ZNF579: variants seen among roughly 807,000 people sequenced by gnomAD.
ZNF579 encodes the protein zinc finger protein 579.
Under a neutral mutation model 5.7 loss-of-function variants are expected in ZNF579, and 3 were observed. The ratio of observed to expected loss-of-function variants is 0.53; its 90% confidence interval spans 0.24 to 1.36. The LOEUF is 1.36. ZNF579 is among the 40% of genes most tolerant of loss of function. The probability of loss-of-function intolerance (pLI) is 0.16; values close to 1 mark genes in which losing one functional copy is unlikely to be tolerated. For missense variants in ZNF579, 679 were observed against 877.6 expected, an observed-to-expected ratio of 0.77 and a Z score of 2.86; for synonymous variants, 454 against 409.0, an observed-to-expected ratio of 1.11 and a Z score of -1.33.
chr19:55,577,958 G>A lies in ZNF579; in HGVS notation c.1682C>T (p.Ala561Val), dbSNP rs1979438017. ...KAHLRGLGGL[A>V]S ...AGGGCAGGGCGGCGAAGGTCAGGAG[G>A]CCAGGCCCCCCAGCCCGCGCAGGTG... Residue 561 changes from alanine (A) to valine (V), a missense_variant, in exon 2 of 2, where the codon GCC becomes GTC. Transcript: ENST00000325421. 6.3e-7 allele frequency: 1 copy of A among 1,590,558 alleles called. No homozygotes were observed. The highest frequency in any genetic ancestry group is 8.6e-7 in the Non-Finnish European group (1 of 1,168,896).
rs1385169084 is a variant in ZNF579, at chr19:55,578,101, A to G, written c.1539T>C (p.Ser513=). The G allele has an allele frequency of 1.3e-6, 2 of 1,564,510 alleles. No homozygotes were observed. The highest frequency in any genetic ancestry group is 8.7e-7 in the Non-Finnish European group (1 of 1,154,096). Residue 513 remains serine (S), a synonymous_variant, in exon 2 of 2, where the codon TCT becomes TCC. Coordinates refer to ENST00000325421, the MANE Select transcript of ZNF579 (RefSeq NM_152600.3). ...PLANIKEEPP[S]PGTPPQSPPA... is the part of the protein sequence containing the mutation. ...GCGGGGACTGGGGTGGGGTCCCCGG[A>G]GAGGGCGGCTCTTCCTTAATGTTTG...
In ZNF579 at chr19:55,579,546, G is replaced by A. The variant is rs1232357059; in HGVS notation, c.94C>T (p.Arg32Cys). The A allele has an allele frequency of 6.8e-6, 10 of 1,467,576 alleles. No homozygotes were observed. The highest frequency in any genetic ancestry group is 5.9e-5 in the East Asian group (2 of 34,014). The allele number at this position is 1,467,576 out of a possible 1,614,324, so 90.9% of individuals were successfully genotyped here. ...RGRGRGRGRG[R>C]GRGGAGAPRA... ...GGGGCTCCAGCGCCCCCCCTGCCACGGCCACGGCCCCGACCACGGCCTCGG... is the reference window on the plus strand; with the variant it reads ...GGGGCTCCAGCGCCCCCCCTGCCACAGCCACGGCCCCGACCACGGCCTCGG... Residue 32 changes from arginine to cysteine, a missense_variant, in exon 2 of 2, where the codon CGT becomes TGT. Arg to Cys is a radical substitution (Grantham distance 180). Coordinates refer to ENST00000325421, the MANE Select transcript of ZNF579 (RefSeq NM_152600.3).
rs1979642418 is a variant in ZNF579 at position 55,580,815 on chromosome 19, C to A, written c.-23G>T. 6.6e-6 allele frequency: 1 copy of A among 151,000 alleles called. No homozygotes were observed. Among genetic ancestry groups the A allele is most frequent in the Non-Finnish European group, 1.5e-5 (1 of 67,908 alleles). 9.4% of individuals were successfully genotyped at this position (151,000 alleles called of 1,614,324 possible). On this transcript the variant is annotated 5_prime_UTR_variant, in exon 1 of 2. Coordinates refer to ENST00000325421, the MANE Select transcript of ZNF579 (RefSeq NM_152600.3). ...CTTACCTCGCCTCCTTGGCTCCTTTCTTCCTTCCCCACGGCCGGCCAAACG... is the reference window on the plus strand; with the variant it reads ...CTTACCTCGCCTCCTTGGCTCCTTTATTCCTTCCCCACGGCCGGCCAAACG...
chr19:55,577,992 T>G lies in ZNF579; in HGVS notation c.1648A>C (p.Ser550Arg), dbSNP rs2088149967. ...AFEMEEEEVD[S>R]KAHLRGLGGL... ...CCCAGCCCGCGCAGGTGAGCCTTGCTGTCTACCTCTTCCTCCTCCATCTCG... is the reference window on the plus strand; with the variant it reads ...CCCAGCCCGCGCAGGTGAGCCTTGCGGTCTACCTCTTCCTCCTCCATCTCG... The change falls in exon 2 of 2, where the codon AGC becomes CGC. Residue 550 changes from serine (S) to arginine (R), a missense_variant. Around this residue, in one of 6 missense-constraint regions of ZNF579, gnomAD observed 116 missense variants for 121.9 expected, o/e 0.95. Transcript: ENST00000325421. The G allele has an allele frequency of 6.2e-7, 1 of 1,600,002 alleles. No individual in the cohort carries two copies. The highest frequency in any genetic ancestry group is 1.7e-5 in the Admixed American group (1 of 58,206).
chr19:55,578,464 A>G lies in ZNF579; in HGVS notation c.1176T>C (p.Gly392=). 1 of 1,455,994 alleles carries G rather than the reference A, an allele frequency of 6.9e-7. No individual in the cohort carries two copies. Among genetic ancestry groups the G allele is most frequent in the Non-Finnish European group, 9.0e-7 (1 of 1,114,604 alleles). 90.2% of individuals were successfully genotyped at this position (1,455,994 alleles called of 1,614,324 possible). ...GCCGCAGGTGCGCCCGGCGCCTGAA[A>G]CCTTTGCCGCACTCTGGGCACCAGA... ...PRFWCPECGK[G]FRRRAHLRQH... is the part of the protein sequence containing the mutation. The change falls in exon 2 of 2, where the codon GGT becomes GGC. Residue 392 remains glycine, a synonymous_variant. Coordinates refer to ENST00000325421, the MANE Select transcript of ZNF579 (RefSeq NM_152600.3).
chr19:55,577,888 T>G lies in ZNF579; in HGVS notation c.*63A>C. The G allele has an allele frequency of 6.5e-7, 1 of 1,539,398 alleles. No individual in the cohort carries two copies. The highest frequency in any genetic ancestry group is 2.4e-5 in the East Asian group (1 of 41,008). On this transcript the variant is annotated 3_prime_UTR_variant, in exon 2 of 2. Transcript: ENST00000325421. ...GACAGAGGAGGTGGCTCCTTCAACT[T>G]CCCTCCTCCATTCTGCAAACCGGGG...
chr19:55,578,205 G>T lies in ZNF579; in HGVS notation c.1435C>A (p.Gln479Lys). Residue 479 changes from glutamine to lysine, a missense_variant, in exon 2 of 2, where the codon CAG becomes AAG. By Grantham distance (53) the Gln-to-Lys change is moderately conservative. This residue lies in a region of ZNF579 where 116 missense variants were observed against 121.9 expected (regional missense o/e 0.95). Transcript: ENST00000325421. Reference sequence around the variant, plus strand: ...GGCGGTGGCGGCGACGTCGGGGCCTGGGCCTGCAGTGCCTGCAGCGCGGCG... The same window carrying T: ...GGCGGTGGCGGCGACGTCGGGGCCTTGGCCTGCAGTGCCTGCAGCGCGGCG... ...RAAALQALQAQAPTSPPPPPP... is the reference protein window; with the variant it reads ...RAAALQALQAKAPTSPPPPPP... The T allele has an allele frequency of 6.8e-7, 1 of 1,472,958 alleles. No individual in the cohort carries two copies. Among genetic ancestry groups the T allele is most frequent in the Non-Finnish European group, 9.0e-7 (1 of 1,116,502 alleles). 91.2% of individuals were successfully genotyped at this position (1,472,958 alleles called of 1,614,324 possible). A position where few individuals can be genotyped will look rare whatever the true frequency, so the allele number is the denominator to read the frequency against.
Position 55,577,886 on chromosome 19 carries a change from C to T in ZNF579, c.*65G>A. 6.5e-7 allele frequency: 1 copy of T among 1,538,002 alleles called. No homozygotes were observed. The highest frequency in any genetic ancestry group is 8.7e-7 in the Non-Finnish European group (1 of 1,145,068). On this transcript the variant is annotated 3_prime_UTR_variant, in exon 2 of 2. Transcript: ENST00000325421. ...TAGACAGAGGAGGTGGCTCCTTCAACTTCCCTCCTCCATTCTGCAAACCGG... is the reference window on the plus strand; with the variant it reads ...TAGACAGAGGAGGTGGCTCCTTCAATTTCCCTCCTCCATTCTGCAAACCGG...
At chr19:55,579,769 G>T in intron 1 of ZNF579, 128 bp from the exon 2 acceptor site, 1 of 1,050,966 alleles carries the variant, frequency 9.5e-7, no homozygotes, top group Non-Finnish European at 1.3e-6. Flanking sequence ...TTAGCCAGGA[G>T]AGAGATATGA....
At chr19:55,580,474 G>T (rs1259044076) in intron 1 of ZNF579, among the ~76,000 whole-genome samples, 2 of 151,568 alleles carry the variant, frequency 1.3e-5, no homozygotes, top group African/African-American at 4.9e-5. Context: ...CTGGTATGGA[G>T]GAGGTGTGGA....
chr19:55,578,140 G>A lies in ZNF579; in HGVS notation c.1500C>T (p.Leu500=). Reference sequence around the variant, plus strand: ...CCTTAATGTTTGCGAGGGGCAGCGGGAGCCCTTCTTCCTCCTGCTCGGCCT... The same window carrying A: ...CCTTAATGTTTGCGAGGGGCAGCGGAAGCCCTTCTTCCTCCTGCTCGGCCT... ...PLKAEQEEEG[L]PLPLANIKEE... Residue 500 remains leucine, a synonymous_variant, in exon 2 of 2, where the codon CTC becomes CTT. Coordinates refer to ENST00000325421, the MANE Select transcript of ZNF579 (RefSeq NM_152600.3). The A allele has an allele frequency of 6.5e-7, 1 of 1,537,900 alleles. No homozygotes were observed.
chr19:55,577,791 G>A lies in ZNF579; in HGVS notation c.*160C>T, dbSNP rs780222546. On this transcript the variant is annotated 3_prime_UTR_variant, in exon 2 of 2. Coordinates refer to ENST00000325421, the MANE Select transcript of ZNF579 (RefSeq NM_152600.3). Reference sequence around the variant, plus strand: ...AGCATCAGGGGTTCTGGGGGCGGGCGATGGGGGAGGAAGGGGCAGTCCAGG... The same window carrying A: ...AGCATCAGGGGTTCTGGGGGCGGGCAATGGGGGAGGAAGGGGCAGTCCAGG... 1.6e-5 allele frequency: 21 copies of A among 1,335,918 alleles called. No individual in the cohort carries two copies. The highest frequency in any genetic ancestry group is 1.0e-4 in the East Asian group (4 of 39,474). 82.8% of individuals were successfully genotyped at this position (1,335,918 alleles called of 1,614,324 possible).
Position 55,579,254 on chromosome 19 carries a change from T to A in ZNF579, c.386A>T (p.Glu129Val). ...CTTGGCCACCCTCTCGATGGCCAGC[T>A]CGACCTCGCCGCCCGCGTGCTCCTG... ...LAQEHAGGEV[E>V]LAIERVAKET... Residue 129 changes from glutamate to valine, a missense_variant, in exon 2 of 2, where the codon GAG (glutamate) becomes GTG (valine). Physicochemically the swap from Glu to Val is moderately radical, Grantham distance 121. This residue lies in a region of ZNF579 where 209 missense variants were observed against 223.4 expected (regional missense o/e 0.94). Coordinates refer to ENST00000325421, the MANE Select transcript of ZNF579 (RefSeq NM_152600.3). 6.6e-7 allele frequency: 1 copy of A among 1,519,214 alleles called. No homozygotes were observed. The allele number at this position is 1,519,214 out of a possible 1,614,324, so 94.1% of individuals were successfully genotyped here. A position where few individuals can be genotyped will look rare whatever the true frequency, so the allele number is the denominator to read the frequency against.
chr19:55,579,343 C>A lies in ZNF579; in HGVS notation c.297G>T (p.Pro99=). The part of the protein sequence containing the change: ...RHLRGHGPQP[P]LRCAACPRTF... ...TGCGGGGGCAGGCGGCGCAGCGCAG[C>A]GGGGGCTGGGGCCCGTGGCCGCGCA... is the stretch of plus-strand genomic sequence containing the variant. The change falls in exon 2 of 2, where the codon CCG becomes CCT. Residue 99 remains proline (P), a synonymous_variant. Coordinates refer to ENST00000325421, the MANE Select transcript of ZNF579 (RefSeq NM_152600.3). The A allele has an allele frequency of 1.4e-6, 2 of 1,387,994 alleles. No homozygotes were observed. Among genetic ancestry groups the A allele is most frequent in the Non-Finnish European group, 1.9e-6 (2 of 1,074,142 alleles). The allele number at this position is 1,387,994 out of a possible 1,614,324, so 86.0% of individuals were successfully genotyped here. A position where few individuals can be genotyped will look rare whatever the true frequency, so the allele number is the denominator to read the frequency against.
Position 55,578,142 on chromosome 19 carries a change from G to T in ZNF579, c.1498C>A (p.Leu500Ile). The T allele has an allele frequency of 6.5e-7, 1 of 1,535,028 alleles. No individual in the cohort carries two copies. The highest frequency in any genetic ancestry group is 8.8e-7 in the Non-Finnish European group (1 of 1,139,788). The change falls in exon 2 of 2, where the codon CTC becomes ATC. Residue 500 changes from leucine (L) to isoleucine (I), a missense_variant. This residue lies in a region of ZNF579 where 116 missense variants were observed against 121.9 expected (regional missense o/e 0.95). Coordinates refer to ENST00000325421, the MANE Select transcript of ZNF579 (RefSeq NM_152600.3). ...PLKAEQEEEGLPLPLANIKEE... is the reference protein window; with the variant it reads ...PLKAEQEEEGIPLPLANIKEE... ...TTAATGTTTGCGAGGGGCAGCGGGA[G>T]CCCTTCTTCCTCCTGCTCGGCCTTC... is the stretch of plus-strand genomic sequence containing the variant.
intron 1 of ZNF579, chr19:55,580,022 G>T (rs1979596555): frequency 5.0e-6 from 1 of 199,278 alleles, no homozygotes; most frequent in African/African-American, 2.3e-5. Context: ...GAGACACAGA[G>T]AAGAGGAAAC....
chr19:55,580,657 G>C (rs917624200), intron 1 of ZNF579, 138 bp downstream of exon 1: 1 of 152,308 alleles, frequency 6.6e-6, no homozygotes, highest in African/African-American at 2.4e-5. Flanking sequence ...AGGTCCTAGA[G>C]GGGGGCCGAT....
Position 55,578,231 on chromosome 19 carries a change from G to A in ZNF579, c.1409C>T (p.Ala470Val). ...QRCHRAELER[A>V]AALQALQAQA... is the part of the protein sequence containing the mutation. The stretch of plus-strand genomic sequence containing the variant: ...GGCCTGCAGTGCCTGCAGCGCGGCG[G>A]CCCTCTCCAGCTCTGCGCGGTGGCA... Residue 470 changes from alanine to valine, a missense_variant, in exon 2 of 2, where the codon GCC becomes GTC. Coordinates refer to ENST00000325421, the MANE Select transcript of ZNF579 (RefSeq NM_152600.3). 6.9e-7 allele frequency: 1 copy of A among 1,446,200 alleles called. No homozygotes were observed. The highest frequency in any genetic ancestry group is 2.8e-5 in the Admixed American group (1 of 35,564). The allele number at this position is 1,446,200 out of a possible 1,614,324, so 89.6% of individuals were successfully genotyped here. A position where few individuals can be genotyped will look rare whatever the true frequency, so the allele number is the denominator to read the frequency against.
At position 55,579,202 on chromosome 19, in the gene ZNF579, C is replaced by T; in HGVS notation, c.438G>A (p.Pro146=). ...AKETAEPSWG[P]QDEGSEPPTT... The stretch of plus-strand genomic sequence containing the variant: ...TGGGCGGCTCCGAGCCCTCGTCCTG[C>T]GGGCCCCAGCTGGGTTCGGCCGTCT... Residue 146 remains proline (P), a synonymous_variant, in exon 2 of 2, where the codon CCG becomes CCA. Transcript: ENST00000325421. The T allele has an allele frequency of 6.6e-7, 1 of 1,524,170 alleles. No homozygotes were observed. Among genetic ancestry groups the T allele is most frequent in the African/African-American group, 1.4e-5 (1 of 71,690 alleles). 94.4% of individuals were successfully genotyped at this position (1,524,170 alleles called of 1,614,324 possible). A position where few individuals can be genotyped will look rare whatever the true frequency, so the allele number is the denominator to read the frequency against.
Sources: allele counts gnomAD v4.1 joint callset (sites outside exome capture counted in the v4.1 genomes callset), GRCh38; gene constraint gnomAD v4.1.1; regional missense constraint gnomAD v4.1.1; transcripts MANE v1.5; gene names NCBI Gene and HGNC (gene_info 2026-07-23, HGNC 2026-07-21).